CPNE2: variants seen among roughly 807,000 people sequenced by gnomAD.
CPNE2 encodes copine 2.
A neutral mutation model predicts 69.7 loss-of-function variants in CPNE2; 42 were observed. That is an observed-to-expected ratio of 0.60 (90% CI 0.47 to 0.78). CPNE2 has a LOEUF of 0.78. CPNE2 is among the 30% of genes least tolerant of loss of function. CPNE2 has a pLI of 0.00. For synonymous variants in CPNE2, 294 were observed against 289.8 expected, an observed-to-expected ratio of 1.01 and a Z score of -0.15; for missense variants, 587 against 732.0, an observed-to-expected ratio of 0.80 and a Z score of 2.29.
intron 14 of CPNE2, among the ~76,000 whole-genome samples, chr16:57,139,208 A>AG (rs60538989): frequency 0.01 from 1,594 of 152,220 alleles, 25 homozygotes; most frequent in African/African-American, 0.035. Context: ...ATGGAATCAT[A>AG]GGGGGTCGAA....
Position 57,115,506 on chromosome 16 carries a change from C to T in CPNE2, c.391C>T (p.Leu131=). ...IVSSKKITRP[L]LLLNDKPAGK... ...CTCCAGCAAGAAGATCACTAGGCCT[C>T]TGCTGCTGCTGAATGACAAGCCTGC... The change falls in exon 4 of 16, where the codon CTG becomes TTG. Residue 131 remains leucine (L), a synonymous_variant. Coordinates refer to ENST00000290776, the MANE Select transcript of CPNE2 (RefSeq NM_152727.6). The T allele has an allele frequency of 1.9e-6, 3 of 1,612,146 alleles. No individual in the cohort carries two copies. Among genetic ancestry groups the T allele is most frequent in the Non-Finnish European group, 2.5e-6 (3 of 1,178,870 alleles).
In CPNE2 at chr16:57,147,665, G is replaced by C. The variant is rs181226610; in HGVS notation, c.*7G>C. 1,286 of 1,588,766 alleles carry C rather than the reference G, an allele frequency of 8.1e-4. No homozygotes were observed. Among genetic ancestry groups the C allele is most frequent in the Non-Finnish European group, 1.1e-3 (1,227 of 1,162,334 alleles). On this transcript the variant is annotated 3_prime_UTR_variant, in exon 16 of 16. Transcript: ENST00000290776. ...CAACTCGGAGCCCGCCTGAGCTCCA[G>C]TGCCCAGCAGCAGCATGTCAGCTGA...
rs749986348 is a variant in CPNE2, at chr16:57,146,143, G to A, written c.1361G>A (p.Arg454Gln). 1.6e-5 allele frequency: 26 copies of A among 1,593,882 alleles called. No homozygotes were observed. Among genetic ancestry groups the A allele is most frequent in the East Asian group, 6.8e-5 (3 of 43,996 alleles). ...GTCATCAGTGACATGGAGGAGACAC[G>A]GCATGCCGTGGTGCAGGCTTCCAAG... is the stretch of plus-strand genomic sequence containing the variant. ...DGVISDMEETRHAVVQASKLP... is the reference protein window; with the variant it reads ...DGVISDMEETQHAVVQASKLP... Residue 454 changes from arginine to glutamine, a missense_variant, in exon 15 of 16, where the codon CGG (arginine) becomes CAG (glutamine). Coordinates refer to ENST00000290776, the MANE Select transcript of CPNE2 (RefSeq NM_152727.6). This position sits in a 1 kb window ranked among gnomAD's most constrained non-coding sequence, Gnocchi z 4.4.
At chr16:57,124,731 C>T (rs1185612279) in intron 10 of CPNE2, 1 of 246,786 alleles carries the variant, frequency 4.1e-6, no homozygotes, top group Non-Finnish European at 8.3e-6. Context: ...CCCATGTTGT[C>T]TCACCGTTCC....
intron 5 of CPNE2, among the ~76,000 whole-genome samples, 188 bp from the exon 6 acceptor site, chr16:57,119,007 C>T (rs1295879684): frequency 6.6e-6 from 1 of 151,950 alleles, no homozygotes; most frequent in African/African-American, 2.4e-5. Flanking sequence ...CCTGGTTGAT[C>T]CCAGGGGGCT....
At chr16:57,123,217 G>A in intron 9 of CPNE2, 197 bp from the exon 10 acceptor site, 1 of 611,844 alleles carries the variant, frequency 1.6e-6, no homozygotes, top group South Asian at 1.9e-5. Context: ...GTCTCTGTGA[G>A]TCCCCCACCC....
At chr16:57,121,022 G>C in intron 7 of CPNE2, 71 bp from the exon 8 acceptor site, 2 of 1,124,884 alleles carry the variant, frequency 1.8e-6, no homozygotes, top group South Asian at 1.4e-5. Flanking sequence ...GGTTTGCTTG[G>C]GGAGTTGAGA....
chr16:57,136,658 A>C (rs547845641), intron 13 of CPNE2, among the ~76,000 whole-genome samples: 173 of 152,354 alleles, frequency 1.1e-3, no homozygotes, highest in African/African-American at 4.0e-3. Flanking sequence ...TCATGCCTGT[A>C]ATCCCAGCAC....
rs2069954296 is a variant in CPNE2 at position 57,146,005 on chromosome 16, G to A, written c.1303-80G>A. 4.1e-6 allele frequency: 5 copies of A among 1,222,228 alleles called. No individual in the cohort carries two copies. The highest frequency in any genetic ancestry group is 4.7e-6 in the Non-Finnish European group (4 of 849,222). The allele number at this position is 1,222,228 out of a possible 1,614,324, so 75.7% of individuals were successfully genotyped here. On this transcript the variant is annotated intron_variant, in intron 14 of 15. Transcript: ENST00000290776. The surrounding 1 kb of genome is among the most constrained non-coding windows in gnomAD (Gnocchi z 4.4). ...CACTGCCTTCCTCCAGGACTCGGAG[G>A]GTTTGGGATGAAGGAGGGAGGGAGA...
intron 1 of CPNE2, among the ~76,000 whole-genome samples, chr16:57,094,303 C>A (rs1232700260): frequency 6.6e-6 from 1 of 152,026 alleles, no homozygotes. Flanking sequence ...TACAGTAGGG[C>A]GGCTGGGAGG....
chr16:57,102,677 T>C (rs1392862121), intron 1 of CPNE2, among the ~76,000 whole-genome samples: 1 of 151,548 alleles, frequency 6.6e-6, no homozygotes, highest in South Asian at 2.1e-4. Context: ...TCTCAGCTCA[T>C]TGCAACCTCC....
Position 57,147,746 on chromosome 16 carries a change from C to CT in CPNE2, c.*95dup, listed in dbSNP as rs545526728. On this transcript the variant is annotated 3_prime_UTR_variant, in exon 16 of 16. Transcript: ENST00000290776. ...CTCACTCTGCTTCCTTGTGGGTGGC[C>CT]TTTTTTTACCGATCCCCTTTTTTAT... 3.7e-5 allele frequency: 28 copies of CT among 765,260 alleles called. No homozygotes were observed. Among genetic ancestry groups the CT allele is most frequent in the African/African-American group, 3.0e-4 (17 of 55,998 alleles). 47.4% of individuals were successfully genotyped at this position (765,260 alleles called of 1,614,324 possible). A position where few individuals can be genotyped will look rare whatever the true frequency, so the allele number is the denominator to read the frequency against.
chr16:57,128,011 C>A, intron 12 of CPNE2, 108 bp downstream of exon 12: 1 of 1,138,574 alleles, frequency 8.8e-7, no homozygotes. Flanking sequence ...TGTTGCCCTG[C>A]CTTCCCTGTG....
intron 3 of CPNE2, among the ~76,000 whole-genome samples, chr16:57,114,595 G>A (rs560427523): frequency 4.5e-4 from 68 of 151,598 alleles, no homozygotes; most frequent in African/African-American, 1.6e-3. Context: ...AGCCCCACAG[G>A]AGCAGGACTA....
chr16:57,099,802 G>A (rs552132092), intron 1 of CPNE2, among the ~76,000 whole-genome samples: 96 of 136,690 alleles, frequency 7.0e-4, no homozygotes, highest in Non-Finnish European at 1.0e-3. Flanking sequence ...TTTTTGAGAC[G>A]GAGTTTTGCT....
Position 57,147,787 on chromosome 16 carries a change from C to T in CPNE2, c.*129C>T. On this transcript the variant is annotated 3_prime_UTR_variant, in exon 16 of 16. Coordinates refer to ENST00000290776, the MANE Select transcript of CPNE2 (RefSeq NM_152727.6). ...CCTTTTTTATTTTTTACAACCGGAC[C>T]TCCACCCCCAACTTCCTCCAGCCCA... The T allele has an allele frequency of 1.9e-6, 1 of 536,886 alleles. No individual in the cohort carries two copies. The allele number at this position is 536,886 out of a possible 1,614,324, so 33.3% of individuals were successfully genotyped here.
At chr16:57,137,407 T>C (rs1187145130) in intron 14 of CPNE2, 125 bp downstream of exon 14, 2 of 1,256,014 alleles carry the variant, frequency 1.6e-6, no homozygotes, top group East Asian at 5.1e-5. Context: ...TGCTTTACCT[T>C]CACGTATTGT....
intron 10 of CPNE2, chr16:57,125,310 G>A (rs550775174): frequency 3.2e-4 from 146 of 456,086 alleles, no homozygotes; most frequent in South Asian, 2.2e-3. Context: ...TACGTGCTGC[G>A]GTGAGCTCCC....
At chr16:57,126,054 T>C in intron 11 of CPNE2, 61 bp downstream of exon 11, 1 of 1,599,236 alleles carries the variant, frequency 6.3e-7, no homozygotes, top group Non-Finnish European at 8.5e-7. Context: ...GGAAGCTCAG[T>C]GTATCAAAGC....
Sources: allele counts gnomAD v4.1 joint callset (sites outside exome capture counted in the v4.1 genomes callset), GRCh38; gene constraint gnomAD v4.1.1; non-coding constraint Gnocchi (gnomAD v3.1); transcripts MANE v1.5; gene names NCBI Gene and HGNC (gene_info 2026-07-23, HGNC 2026-07-21).